LRMDA: variants seen among roughly 807,000 people sequenced by gnomAD.
LRMDA encodes leucine-rich melanocyte differentiation-associated protein.
In LRMDA, 18 loss-of-function variants were observed where a neutral mutation model predicts 29.8. The ratio of observed to expected loss-of-function variants is 0.60; its 90% confidence interval spans 0.42 to 0.90. The LOEUF (loss-of-function observed/expected upper bound fraction) is 0.90. Ranked by LOEUF, LRMDA falls within the 40% of genes least tolerant of loss-of-function variation. The probability of loss-of-function intolerance (pLI) is 0.00; values close to 1 mark genes in which losing one functional copy is unlikely to be tolerated. For missense variants in LRMDA, 273 were observed against 273.9 expected (o/e 1.00, Z 0.02); for synonymous variants, 125 against 109.4 (o/e 1.14, Z -0.89).
intron 2 of LRMDA, among the ~76,000 whole-genome samples, chr10:75,591,708 T>C (rs1159816711): frequency 2.0e-5 from 3 of 152,198 alleles, no homozygotes. Context: ...GACAGAGGTC[T>C]CTGATTTGTG....
At position 76,037,816 on chromosome 10, in the gene LRMDA, C is replaced by T. The variant is rs368869363; in HGVS notation, c.258+1682C>T. On this transcript the variant is annotated intron_variant, in intron 3 of 6. Transcript: ENST00000611255. ...ATCATTTTGGGGATTAGAATTTCAA[C>T]ATATGAATTTGAGGGAAGAACAAAC... is the stretch of plus-strand genomic sequence containing the variant. 5.3e-5 allele frequency among the ~76,000 whole-genome samples: 8 copies of T among 152,322 alleles called. No homozygotes were observed. In the East Asian group the frequency reaches 1.4e-3, roughly 26 times the overall value.
Position 75,935,119 on chromosome 10 carries a change from G to A in LRMDA, c.132-100889G>A, listed in dbSNP as rs960481714. Reference sequence around the variant, plus strand: ...GAAACAAGAATCCTTTTTCTTTCCCGTCTCCATCCTTCCCTTACTCCTGCC... The same window carrying A: ...GAAACAAGAATCCTTTTTCTTTCCCATCTCCATCCTTCCCTTACTCCTGCC... On this transcript the variant is annotated intron_variant, in intron 2 of 6. Coordinates refer to ENST00000611255, the MANE Select transcript of LRMDA (RefSeq NM_001305581.2). Among the ~76,000 whole-genome samples, 7 of 151,918 alleles carry A rather than the reference G, an allele frequency of 4.6e-5. No individual in the cohort carries two copies. The East Asian group carries it at 7.7e-4, about 17-fold the overall frequency.
intron 6 of LRMDA, among the ~76,000 whole-genome samples, chr10:76,394,255 C>A (rs948604077): frequency 1.3e-5 from 2 of 152,112 alleles, no homozygotes; most frequent in Non-Finnish European, 1.5e-5. Flanking sequence ...AAGGTCTGGG[C>A]TATTGGGATT....
intron 6 of LRMDA, among the ~76,000 whole-genome samples, chr10:76,340,275 G>A (rs958155018): frequency 9.9e-5 from 15 of 152,094 alleles, no homozygotes; most frequent in South Asian, 4.2e-4. Context: ...CAACACTTTC[G>A]GAGGCCAAGC....
At chr10:76,426,231 G>C (rs1412575450) in intron 6 of LRMDA, among the ~76,000 whole-genome samples, 1 of 152,172 alleles carries the variant, frequency 6.6e-6, no homozygotes, top group East Asian at 1.9e-4. Flanking sequence ...AGTTTAAAGT[G>C]TTCCTATTTC....
At chr10:76,168,638 T>G (rs1850782438) in intron 5 of LRMDA, among the ~76,000 whole-genome samples, 1 of 151,946 alleles carries the variant, frequency 6.6e-6, no homozygotes, top group Non-Finnish European at 1.5e-5. Context: ...AAGGGGATGA[T>G]GAGTAGATGA....
chr10:76,500,380 A>G (rs1319446596), intron 6 of LRMDA, among the ~76,000 whole-genome samples: 1 of 75,698 alleles, frequency 1.3e-5, no homozygotes, highest in Admixed American at 1.2e-4. Flanking sequence ...ACCATTTTCC[A>G]TGCATTAAGA....
chr10:75,790,670 A>G lies in LRMDA; in HGVS notation c.132-245338A>G, dbSNP rs116113009. 4.6e-3 allele frequency among the ~76,000 whole-genome samples: 707 copies of G among 152,320 alleles called. 10 individuals are homozygous for G. Among genetic ancestry groups the G allele is most frequent in the African/African-American group, 0.016 (674 of 41,570 alleles). On this transcript the variant is annotated intron_variant, in intron 2 of 6. Coordinates refer to ENST00000611255, the MANE Select transcript of LRMDA (RefSeq NM_001305581.2). ...AGCAGTTTTCAAAGAATCATGCACA[A>G]CTTATATTTGGGTGATTGATCTGAT...
At chr10:76,025,037 C>T (rs1040999090) in intron 2 of LRMDA, among the ~76,000 whole-genome samples, 3 of 152,094 alleles carry the variant, frequency 2.0e-5, no homozygotes, top group South Asian at 2.1e-4. Context: ...TTATAGAACC[C>T]GCCAAACAAA....
chr10:76,102,577 A>G (rs1849410584), intron 5 of LRMDA, among the ~76,000 whole-genome samples: 1 of 152,142 alleles, frequency 6.6e-6, no homozygotes, highest in African/African-American at 2.4e-5. Context: ...ATTTGTTTTA[A>G]TGGCTGCATA....
chr10:75,894,016 G>C (rs1325571484), intron 2 of LRMDA, among the ~76,000 whole-genome samples: 1 of 151,196 alleles, frequency 6.6e-6, no homozygotes, highest in African/African-American at 2.4e-5. Context: ...GATAATACTT[G>C]ATTTTTTAAT....
chr10:76,508,096 A>C (rs1005655255), intron 6 of LRMDA, among the ~76,000 whole-genome samples: 1 of 152,184 alleles, frequency 6.6e-6, no homozygotes, highest in Non-Finnish European at 1.5e-5. Flanking sequence ...CCAGAATAGC[A>C]TACTGCATCC....
intron 2 of LRMDA, among the ~76,000 whole-genome samples, chr10:75,508,417 C>G (rs892085923): frequency 6.6e-6 from 1 of 152,150 alleles, no homozygotes; most frequent in African/African-American, 2.4e-5. Context: ...CTGTATATTT[C>G]TTCAAAGTCT....
At chr10:75,532,232 C>A (rs927691323) in intron 2 of LRMDA, among the ~76,000 whole-genome samples, 10 of 152,076 alleles carry the variant, frequency 6.6e-5, no homozygotes, top group African/African-American at 2.4e-4. Context: ...AGAAGTTTGA[C>A]TTTTCAGCCA....
chr10:76,178,636 C>T (rs1850985530), intron 5 of LRMDA, among the ~76,000 whole-genome samples: 1 of 152,152 alleles, frequency 6.6e-6, no homozygotes, highest in South Asian at 2.1e-4. Context: ...GACAATTTTG[C>T]CTAAGGCCAG....
chr10:75,574,534 A>C (rs548082474), intron 2 of LRMDA, among the ~76,000 whole-genome samples: 5 of 152,166 alleles, frequency 3.3e-5, no homozygotes, highest in South Asian at 4.2e-4. Context: ...CATGTTTTAA[A>C]ACTCCCCACT....
Position 76,559,994 on chromosome 10 carries a change from C to T in LRMDA, c.*2706C>T, listed in dbSNP as rs1329238218. The T allele has an allele frequency of 6.6e-6, 1 of 152,196 alleles. No homozygotes were observed. Among genetic ancestry groups the T allele is most frequent in the Non-Finnish European group, 1.5e-5 (1 of 68,042 alleles). 9.4% of individuals were successfully genotyped at this position (152,196 alleles called of 1,614,324 possible). A position where few individuals can be genotyped will look rare whatever the true frequency, so the allele number is the denominator to read the frequency against. On this transcript the variant is annotated 3_prime_UTR_variant, in exon 7 of 7. Coordinates refer to ENST00000611255, the MANE Select transcript of LRMDA (RefSeq NM_001305581.2). The stretch of plus-strand genomic sequence containing the variant: ...GTGGGGAATCCTATTAAAAGTACAA[C>T]TATTGCAGTCATTTGCTTTTACTTT...
At chr10:75,917,540 G>T (rs1260473506) in intron 2 of LRMDA, among the ~76,000 whole-genome samples, 1 of 152,220 alleles carries the variant, frequency 6.6e-6, no homozygotes, top group Non-Finnish European at 1.5e-5. Context: ...TGTTAGTGTG[G>T]TCAGAACAAG....
At chr10:75,597,764 G>A (rs1297343179) in intron 2 of LRMDA, among the ~76,000 whole-genome samples, 2 of 152,150 alleles carry the variant, frequency 1.3e-5, no homozygotes, top group Non-Finnish European at 2.9e-5. Context: ...CAGGAGGCAC[G>A]CCATTGCTTT....
Sources: allele counts gnomAD v4.1 joint callset (sites outside exome capture counted in the v4.1 genomes callset), GRCh38; gene constraint gnomAD v4.1.1; transcripts MANE v1.5; gene names NCBI Gene and HGNC (gene_info 2026-07-23, HGNC 2026-07-21).